YTHDC2: variants seen among roughly 807,000 people sequenced by gnomAD.
YTHDC2 encodes the protein YTH N6-methyladenosine RNA binding protein C2.
YTHDC2 carries 45 observed loss-of-function variants against 174.9 expected under a neutral mutation model. The observed-to-expected ratio is 0.26, with a 90% CI of 0.20 to 0.33. The LOEUF is 0.33. YTHDC2 is among the 10% of genes least tolerant of loss of function. The probability of loss-of-function intolerance (pLI) is 1.00; values close to 1 mark genes in which losing one functional copy is unlikely to be tolerated. For synonymous variants in YTHDC2, 657 were observed against 574.5 expected (o/e 1.14, Z -2.05); for missense variants, 1,650 against 1,723.7 (o/e 0.96, Z 0.76).
At position 113,553,157 on chromosome 5, in the gene YTHDC2, C is replaced by CTTTTTTT. The variant is rs34053583; in HGVS notation, c.1689-10_1689-4dup. The CTTTTTTT allele has an allele frequency of 5.8e-5, 64 of 1,098,398 alleles. 1 individual carries two copies. The highest frequency in any genetic ancestry group is 4.2e-4 in the African/African-American group (21 of 49,986). The allele number at this position is 1,098,398 out of a possible 1,614,324, so 68.0% of individuals were successfully genotyped here. On this transcript the variant is annotated intron_variant, in intron 12 of 29. Coordinates refer to ENST00000161863, the MANE Select transcript of YTHDC2 (RefSeq NM_022828.5). Reference sequence around the variant, plus strand: ...TTTTGTTAATGGAAATTGACTTTGTCTTTTTTTTTTTTTTTTTTTTCAGTG... The same window carrying CTTTTTTT: ...TTTTGTTAATGGAAATTGACTTTGTCTTTTTTTTTTTTTTTTTTTTTTTTTTTCAGTG...
chr5:113,513,825 C>T lies in YTHDC2; in HGVS notation c.-71C>T, dbSNP rs1016229932. ...TCCCGGTAGTGGCCCCGGATTCCCA[C>T]GGTCTTTGTCATTGGCTGTCAGCTA... On this transcript the variant is annotated 5_prime_UTR_variant, in exon 1 of 30. The change creates a new upstream start codon in the 5' untranslated region. Coordinates refer to ENST00000161863, the MANE Select transcript of YTHDC2 (RefSeq NM_022828.5). 10 of 1,471,294 alleles carry T rather than the reference C, an allele frequency of 6.8e-6. No individual in the cohort carries two copies. The highest frequency in any genetic ancestry group is 5.5e-5 in the South Asian group (4 of 73,158). 91.1% of individuals were successfully genotyped at this position (1,471,294 alleles called of 1,614,324 possible).
intron 23 of YTHDC2, among the ~76,000 whole-genome samples, chr5:113,570,066 T>C (rs1437951858): frequency 6.6e-6 from 1 of 152,056 alleles, no homozygotes; most frequent in Non-Finnish European, 1.5e-5. Flanking sequence ...TTATTAGCTG[T>C]ATTCCTAGGT....
intron 17 of YTHDC2, among the ~76,000 whole-genome samples, chr5:113,556,528 A>C (rs1258171379): frequency 6.6e-6 from 1 of 152,228 alleles, no homozygotes. Context: ...AAAAATATGC[A>C]TGTCCTACTA....
At chr5:113,553,511 T>G in intron 13 of YTHDC2, 79 bp from the exon 14 acceptor site, 2 of 1,509,970 alleles carry the variant, frequency 1.3e-6, no homozygotes, top group Non-Finnish European at 1.8e-6. Context: ...TGAAAACATG[T>G]GATACAGATT....
At chr5:113,547,665 T>A (rs1775980008) in intron 10 of YTHDC2, among the ~76,000 whole-genome samples, 2 of 152,162 alleles carry the variant, frequency 1.3e-5, no homozygotes, top group South Asian at 2.1e-4. Context: ...TCTAAAAAAA[T>A]AGTCTTAAAA....
intron 1 of YTHDC2, 97 bp downstream of exon 1, chr5:113,514,179 G>T (rs1428759598): frequency 2.8e-6 from 4 of 1,446,062 alleles, no homozygotes; most frequent in Non-Finnish European, 2.8e-6. Flanking sequence ...GGGTGCCTCC[G>T]AAGAGGGAGG....
intron 26 of YTHDC2, among the ~76,000 whole-genome samples, chr5:113,585,657 G>C (rs796594407): frequency 3.3e-5 from 5 of 151,616 alleles, no homozygotes; most frequent in African/African-American, 9.7e-5. Context: ...GCCTTTTCTA[G>C]AATTTCCTGT....
At chr5:113,514,391 G>A (rs1312857739) in intron 1 of YTHDC2, 1 of 587,548 alleles carries the variant, frequency 1.7e-6, no homozygotes, top group African/African-American at 1.8e-5. Context: ...ATATTGGTTA[G>A]CCCTAACCCT....
chr5:113,542,547 A>T (rs773932871), intron 10 of YTHDC2, 44 bp downstream of exon 10: 1 of 1,544,732 alleles, frequency 6.5e-7, no homozygotes. Flanking sequence ...ACAGTTATTT[A>T]TGGTGGAAGT....
chr5:113,577,197 T>A (rs780733147), intron 23 of YTHDC2, among the ~76,000 whole-genome samples: 7 of 152,212 alleles, frequency 4.6e-5, no homozygotes, highest in African/African-American at 7.2e-5. Context: ...TTATTTAGTA[T>A]TTTTATTTAT....
chr5:113,589,121 G>A (rs939359646), intron 26 of YTHDC2, among the ~76,000 whole-genome samples: 1 of 151,318 alleles, frequency 6.6e-6, no homozygotes, highest in South Asian at 2.1e-4. Flanking sequence ...ATGTTAATAC[G>A]AATGTCCATT....
chr5:113,532,313 C>T (rs1300811387), intron 4 of YTHDC2, among the ~76,000 whole-genome samples: 1 of 151,908 alleles, frequency 6.6e-6, no homozygotes, highest in African/African-American at 2.4e-5. Flanking sequence ...ACAGTAGTTA[C>T]TTTTTTGGAG....
intron 10 of YTHDC2, among the ~76,000 whole-genome samples, chr5:113,543,229 GAT>G (rs1347231818): frequency 6.6e-6 from 1 of 152,022 alleles, no homozygotes; most frequent in African/African-American, 2.4e-5. Flanking sequence ...AATAAAATTG[GAT>G]ACTCCTCAAA....
chr5:113,535,591 G>C, intron 6 of YTHDC2, 51 bp from the exon 7 acceptor site: 1 of 1,474,420 alleles, frequency 6.8e-7, no homozygotes, highest in Non-Finnish European at 9.1e-7. Context: ...TAAAGACTTA[G>C]TCATCAATAA....
chr5:113,569,165 C>T (rs933978137), intron 23 of YTHDC2, among the ~76,000 whole-genome samples: 27 of 152,020 alleles, frequency 1.8e-4, no homozygotes, highest in Admixed American at 1.6e-3. Context: ...AGTGTCTGTT[C>T]GTGTCCTTTG....
intron 23 of YTHDC2, among the ~76,000 whole-genome samples, chr5:113,570,520 T>C (rs1374934323): frequency 2.6e-5 from 4 of 152,222 alleles, no homozygotes; most frequent in Admixed American, 2.6e-4. Context: ...ATTGATTTTA[T>C]ATCCTGAGAC....
chr5:113,566,441 G>A (rs1238589144), intron 21 of YTHDC2, among the ~76,000 whole-genome samples: 1 of 143,032 alleles, frequency 7.0e-6, no homozygotes, highest in Non-Finnish European at 1.5e-5. Flanking sequence ...AATACTTGAA[G>A]TCACCTTTTT....
At chr5:113,591,414 C>T (rs1309659832) in intron 27 of YTHDC2, among the ~76,000 whole-genome samples, 170 bp downstream of exon 27, 1 of 152,122 alleles carries the variant, frequency 6.6e-6, no homozygotes, top group Non-Finnish European at 1.5e-5. Flanking sequence ...GAACTGGAAT[C>T]CTCTTTGTTT....
In YTHDC2 at chr5:113,513,933, C is replaced by G; in HGVS notation, c.38C>G (p.Ala13Gly). 6.2e-7 allele frequency: 1 copy of G among 1,606,024 alleles called. No homozygotes were observed. Residue 13 changes from alanine (A) to glycine (G), a missense_variant, in exon 1 of 30, where the codon GCT becomes GGT. Ala to Gly is a moderately conservative substitution (Grantham distance 60). Around this residue, in one of 5 missense-constraint regions of YTHDC2, gnomAD observed 304 missense variants for 341.4 expected, o/e 0.89. Transcript: ENST00000161863. The stretch of plus-strand genomic sequence containing the variant: ...AGCAGCGTCTCCCCGCGGCAGCCGG[C>G]TCCTGGCGGTGGCGGAGGCGGCGGC... ...RPSSVSPRQP[A>G]PGGGGGGGPS...
Sources: allele counts gnomAD v4.1 joint callset (sites outside exome capture counted in the v4.1 genomes callset), GRCh38; gene constraint gnomAD v4.1.1; regional missense constraint gnomAD v4.1.1; transcripts MANE v1.5; gene names NCBI Gene and HGNC (gene_info 2026-07-23, HGNC 2026-07-21).